The following CTNNA3 variants were observed in gnomAD, a reference collection of about 807,000 sequenced individuals.
CTNNA3 encodes catenin alpha 3, also known as catenin alpha-3.
In CTNNA3, 76 loss-of-function variants were observed where a neutral mutation model predicts 95.7. The ratio of observed to expected loss-of-function variants is 0.79; its 90% CI spans 0.66 to 0.96. The LOEUF is 0.96. CTNNA3 is among the 40% of genes least tolerant of loss of function. The pLI is 0.00. For missense variants in CTNNA3, 1,191 were observed against 1,089.8 expected (o/e 1.09, Z -1.31); for synonymous variants, 431 against 374.4 (o/e 1.15, Z -1.74).
At chr10:66,396,303 GA>G (rs1275220504) in intron 11 of CTNNA3, among the ~76,000 whole-genome samples, 1 of 151,926 alleles carries the variant, frequency 6.6e-6, no homozygotes, top group Non-Finnish European at 1.5e-5. Context: ...TTAAAAGAGG[GA>G]TACTAAAATT....
intron 15 of CTNNA3, among the ~76,000 whole-genome samples, chr10:66,054,861 T>A (rs917483848): frequency 4.6e-5 from 7 of 152,152 alleles, no homozygotes; most frequent in African/African-American, 1.7e-4. Context: ...CAGTTTGCAG[T>A]CTTAGCTTTA....
chr10:67,320,362 T>C (rs943589844), intron 5 of CTNNA3, among the ~76,000 whole-genome samples: 13 of 152,192 alleles, frequency 8.5e-5, no homozygotes, highest in African/African-American at 3.1e-4. Context: ...GAAAAAGTTG[T>C]TATTACTGTT....
intron 10 of CTNNA3, among the ~76,000 whole-genome samples, chr10:66,550,568 GAAA>G (rs1842184084): frequency 6.6e-6 from 1 of 152,102 alleles, no homozygotes; most frequent in East Asian, 1.9e-4. Flanking sequence ...CCTGCAAGAT[GAAA>G]ATATTTACTC....
At chr10:67,174,041 G>C (rs1480112819) in intron 7 of CTNNA3, among the ~76,000 whole-genome samples, 3 of 152,064 alleles carry the variant, frequency 2.0e-5, no homozygotes, top group Admixed American at 1.3e-4. Context: ...CCTCTGTATT[G>C]ATTGCTCTCT....
intron 7 of CTNNA3, among the ~76,000 whole-genome samples, chr10:66,838,443 T>TTGA (rs1160639289): frequency 1.3e-5 from 2 of 152,156 alleles, no homozygotes; most frequent in African/African-American, 4.8e-5. Flanking sequence ...TATTAGTGCT[T>TTGA]TGATGATAAA....
At chr10:67,237,173 T>TATATAC (rs1554810783) in intron 5 of CTNNA3, among the ~76,000 whole-genome samples, 58 of 112,740 alleles carry the variant, frequency 5.1e-4, no homozygotes, top group South Asian at 1.1e-3. Context: ...TATATATATA[T>TATATAC]ACACACACAA....
intron 3 of CTNNA3, among the ~76,000 whole-genome samples, chr10:67,590,002 C>A (rs1414413474): frequency 6.6e-6 from 1 of 152,008 alleles, no homozygotes; most frequent in Non-Finnish European, 1.5e-5. Flanking sequence ...TCAAGTTATC[C>A]CAGCTACCAT....
Position 67,476,638 on chromosome 10 carries a change from G to A in CTNNA3, c.579+45204C>T, listed in dbSNP as rs569059036. On this transcript the variant is annotated intron_variant, in intron 5 of 17. Transcript: ENST00000433211. ...CCTGCAAAGAGATCGTAGTGCATCT[G>A]AGCCTTCTTTGCACCATGCCGATTA... Among the ~76,000 whole-genome samples, 441 of 150,766 alleles carry A rather than the reference G, an allele frequency of 2.9e-3. 4 individuals are homozygous for A. The highest frequency in any genetic ancestry group is 2.5e-3 in the Non-Finnish European group (166 of 67,636).
chr10:66,567,198 CAT>C (rs1842738483), intron 10 of CTNNA3, among the ~76,000 whole-genome samples: 1 of 151,966 alleles, frequency 6.6e-6, no homozygotes, highest in Non-Finnish European at 1.5e-5. Flanking sequence ...GGCAAGGAAT[CAT>C]ATGATTAGAC....
chr10:66,162,255 T>G (rs1418677341), intron 13 of CTNNA3, among the ~76,000 whole-genome samples: 1 of 152,100 alleles, frequency 6.6e-6, no homozygotes. Flanking sequence ...ACTATTGTGA[T>G]TTTTTGAGGG....
chr10:67,006,598 T>C (rs1852006468), intron 7 of CTNNA3, among the ~76,000 whole-genome samples: 1 of 152,110 alleles, frequency 6.6e-6, no homozygotes, highest in African/African-American at 2.4e-5. Flanking sequence ...TTTAAGAGAT[T>C]CAGAATTATG....
rs542864473 is a variant in CTNNA3, at chr10:66,932,977, T to G, written c.1048-157453A>C. ...GTCATCACAGGTACATTTCCTGGCT[T>G]TTCTGAATTTGAAGTTTCTCATATG... On this transcript the variant is annotated intron_variant, in intron 7 of 17. Transcript: ENST00000433211. 4.3e-4 allele frequency among the ~76,000 whole-genome samples: 66 copies of G among 152,322 alleles called. No individual in the cohort carries two copies. In the South Asian group the frequency reaches 9.1e-3, roughly 21 times the overall value.
In CTNNA3 at chr10:66,621,781, C is replaced by T. The variant is rs866549851; in HGVS notation, c.1285G>A (p.Ala429Thr). The stretch of plus-strand genomic sequence containing the variant: ...GTTGACATGGAACAAGCAAGATTTG[C>T]CACCTTAAATACAATCCAAAATAAT... The part of the protein sequence containing the change: ...HEHTSRLVEV[A>T]NLACSMSTNE... The change falls in exon 10 of 18, where the codon GCA (alanine) becomes ACA (threonine). Residue 429 changes from alanine to threonine, a missense_variant. Physicochemically the swap from Ala to Thr is moderately conservative, Grantham distance 58. Transcript: ENST00000433211. 1.2e-6 allele frequency: 2 copies of T among 1,600,152 alleles called. No individual in the cohort carries two copies. Among genetic ancestry groups the T allele is most frequent in the Non-Finnish European group, 1.7e-6 (2 of 1,172,014 alleles).
intron 12 of CTNNA3, among the ~76,000 whole-genome samples, chr10:66,303,866 A>G (rs2091898363): frequency 6.6e-6 from 1 of 152,088 alleles, no homozygotes; most frequent in Non-Finnish European, 1.5e-5. Context: ...GTGCTGGGAT[A>G]TATAGATGTG....
At chr10:66,735,808 G>A (rs1438800473) in intron 9 of CTNNA3, among the ~76,000 whole-genome samples, 1 of 152,116 alleles carries the variant, frequency 6.6e-6, no homozygotes, top group East Asian at 1.9e-4. Context: ...ATGGTTCACT[G>A]TGGGCAGAGT....
At chr10:65,999,279 A>C (rs2078724405) in intron 15 of CTNNA3, among the ~76,000 whole-genome samples, 1 of 152,194 alleles carries the variant, frequency 6.6e-6, no homozygotes, top group Admixed American at 6.5e-5. Context: ...CAATTTTTCA[A>C]GTCTTAAACA....
At chr10:66,990,569 T>C (rs1455592773) in intron 7 of CTNNA3, among the ~76,000 whole-genome samples, 2 of 152,154 alleles carry the variant, frequency 1.3e-5, no homozygotes, top group African/African-American at 4.8e-5. Context: ...AATACCCACA[T>C]TTAGCATTCA....
At chr10:66,821,787 TA>T (rs1171894592) in intron 7 of CTNNA3, among the ~76,000 whole-genome samples, 3 of 152,160 alleles carry the variant, frequency 2.0e-5, no homozygotes, top group African/African-American at 7.2e-5. Context: ...TCGTATTTAT[TA>T]AGTCTTTGCA....
At chr10:65,935,873 A>G (rs1366121708) in intron 17 of CTNNA3, among the ~76,000 whole-genome samples, 1 of 152,138 alleles carries the variant, frequency 6.6e-6, no homozygotes, top group African/African-American at 2.4e-5. Flanking sequence ...ATGGATAATG[A>G]TATGACCAAG....
Sources: gnomAD v4.1 joint callset for allele counts (sites outside exome capture counted in the v4.1 genomes callset) on GRCh38, gnomAD v4.1.1 for gene constraint, MANE v1.5 for transcripts, NCBI Gene and HGNC (gene_info 2026-07-23, HGNC 2026-07-21) for gene names.